RBKS: variants seen among roughly 807,000 people sequenced by gnomAD.
The protein encoded by RBKS is ribokinase.
Under a neutral mutation model 33.9 loss-of-function variants are expected in RBKS, and 33 were observed. That is an observed-to-expected ratio of 0.97 (90% confidence interval 0.74 to 1.30). The LOEUF is 1.30. RBKS is among the 50% of genes most tolerant of loss of function. The pLI is 0.00. For synonymous variants in RBKS, 125 were observed against 143.0 expected (o/e 0.87, Z 0.90); for missense variants, 361 against 392.6 (o/e 0.92, Z 0.68).
chr2:27,828,441 C>G (rs1387493139), intron 6 of RBKS, among the ~76,000 whole-genome samples: 2 of 152,180 alleles, frequency 1.3e-5, no homozygotes, highest in African/African-American at 2.4e-5. Context: ...GCCATAATGC[C>G]TCTTCTCAAA....
At chr2:27,798,572 C>G (rs564653276) in intron 7 of RBKS, among the ~76,000 whole-genome samples, 26 of 152,292 alleles carry the variant, frequency 1.7e-4, no homozygotes, top group African/African-American at 5.8e-4. Context: ...CATCACCTCA[C>G]AGGGTCACAT....
rs979364790 is a variant in RBKS at position 27,861,667 on chromosome 2, G to GGT, written c.90-3097_90-3096insAC. On this transcript the variant is annotated intron_variant, in intron 1 of 7. Coordinates refer to ENST00000302188, the MANE Select transcript of RBKS (RefSeq NM_022128.3). ...TTAGTATGTTCCATTTCTTTTTGGG[G>GGT]GGGGGGTGGAGTCTCACTTTGTCTC... 3.2e-5 allele frequency: 14 copies of GGT among 431,902 alleles called. 1 individual carries two copies. The highest frequency in any genetic ancestry group is 3.0e-4 in the Admixed American group (12 of 39,398). The allele number at this position is 431,902 out of a possible 1,614,324, so 26.8% of individuals were successfully genotyped here.
intron 7 of RBKS, among the ~76,000 whole-genome samples, chr2:27,785,892 T>C (rs1162492140): frequency 6.6e-6 from 1 of 152,242 alleles, no homozygotes; most frequent in East Asian, 1.9e-4. Flanking sequence ...AGATGCTTAT[T>C]GCTGCATTAT....
At chr2:27,831,886 A>T (rs982488003) in intron 6 of RBKS, among the ~76,000 whole-genome samples, 15 of 131,780 alleles carry the variant, frequency 1.1e-4, no homozygotes, top group African/African-American at 2.3e-4. Flanking sequence ...CTGCATTCCA[A>T]CCTGGGTGAA....
chr2:27,815,489 G>A (rs1033766656), intron 7 of RBKS, among the ~76,000 whole-genome samples: 22 of 152,104 alleles, frequency 1.4e-4, no homozygotes, highest in African/African-American at 4.1e-4. Flanking sequence ...GCACCATTGC[G>A]CCTAGCTCTA....
intron 5 of RBKS, among the ~76,000 whole-genome samples, chr2:27,834,956 T>C (rs4666022): frequency 0.34 from 52,098 of 151,938 alleles, 10,777 homozygotes; most frequent in East Asian, 0.63. Context: ...AAAAAGAAAC[T>C]TTTACTAAAG....
intron 7 of RBKS, among the ~76,000 whole-genome samples, chr2:27,786,585 AG>A (rs1677406429): frequency 6.6e-6 from 1 of 152,204 alleles, no homozygotes; most frequent in Non-Finnish European, 1.5e-5. Context: ...GTTCAAGACC[AG>A]CCTGGCCAAG....
intron 1 of RBKS, among the ~76,000 whole-genome samples, chr2:27,862,684 C>G (rs1340231532): frequency 6.6e-6 from 1 of 152,120 alleles, no homozygotes; most frequent in Non-Finnish European, 1.5e-5. Context: ...GCTCTTGACT[C>G]GGGGGTTATA....
At chr2:27,831,130 CCT>C (rs763332043) in intron 6 of RBKS, among the ~76,000 whole-genome samples, 36 of 152,210 alleles carry the variant, frequency 2.4e-4, no homozygotes, top group Non-Finnish European at 4.1e-4. Flanking sequence ...CATGCTATCC[CCT>C]GTGTGAATTC....
chr2:27,860,827 T>C (rs1663959643), intron 1 of RBKS, among the ~76,000 whole-genome samples: 1 of 152,228 alleles, frequency 6.6e-6, no homozygotes, highest in Non-Finnish European at 1.5e-5. Context: ...CTGTAGACTT[T>C]CCCTGCATGA....
chr2:27,816,054 G>A (rs893920349), intron 7 of RBKS, among the ~76,000 whole-genome samples: 2 of 152,124 alleles, frequency 1.3e-5, no homozygotes, highest in Admixed American at 6.5e-5. Context: ...ACATGTACAC[G>A]CATGTCCAGG....
rs1558538549 is a variant in RBKS at position 27,810,032 on chromosome 2, GA to G, written c.795+17534del. 1 of 1,304,236 alleles carries G rather than the reference GA, an allele frequency of 7.7e-7. No homozygotes were observed. The allele number at this position is 1,304,236 out of a possible 1,614,324, so 80.8% of individuals were successfully genotyped here. A position where few individuals can be genotyped will look rare whatever the true frequency, so the allele number is the denominator to read the frequency against. On this transcript the variant is annotated intron_variant, in intron 7 of 7. Transcript: ENST00000302188. The surrounding 1 kb of genome is among the most constrained non-coding windows in gnomAD (Gnocchi z 4.4). ...ACTTGCTGCTTCACTCTTGGGTCTTGAGCCAGGTCTACACTGTGAAAATGAA... is the reference window on the plus strand; with the variant it reads ...ACTTGCTGCTTCACTCTTGGGTCTTGGCCAGGTCTACACTGTGAAAATGAA...
At chr2:27,831,721 A>C (rs1039503962) in intron 6 of RBKS, among the ~76,000 whole-genome samples, 1 of 152,144 alleles carries the variant, frequency 6.6e-6, no homozygotes, top group Non-Finnish European at 1.5e-5. Flanking sequence ...TTAGCCCAGG[A>C]GTTCGAGATT....
chr2:27,861,663 T>TGC (rs1553380056), intron 1 of RBKS: 4 of 313,212 alleles, frequency 1.3e-5, no homozygotes, highest in Admixed American at 7.5e-5. Context: ...CATTTCTTTT[T>TGC]GGGGGGGGGG....
At chr2:27,786,910 T>C (rs1677416398) in intron 7 of RBKS, among the ~76,000 whole-genome samples, 1 of 152,244 alleles carries the variant, frequency 6.6e-6, no homozygotes, top group African/African-American at 2.4e-5. Flanking sequence ...GAACTGTGTG[T>C]GCTGGAAGCA....
At chr2:27,802,557 A>G (rs1273984626) in intron 7 of RBKS, among the ~76,000 whole-genome samples, 2 of 152,102 alleles carry the variant, frequency 1.3e-5, no homozygotes. Context: ...GATGAAAAAC[A>G]AAGTTTGAGA....
chr2:27,858,742 T>C (rs750704633), intron 1 of RBKS, among the ~76,000 whole-genome samples, 171 bp from the exon 2 acceptor site: 4 of 152,184 alleles, frequency 2.6e-5, no homozygotes, highest in South Asian at 2.1e-4. Flanking sequence ...ATTTAGTAGT[T>C]TGCATCATTA....
chr2:27,836,574 G>A (rs1406945414), intron 5 of RBKS, among the ~76,000 whole-genome samples: 1 of 152,024 alleles, frequency 6.6e-6, no homozygotes, highest in Non-Finnish European at 1.5e-5. Context: ...TACCCTTTTT[G>A]ACACTGGCAT....
In RBKS at chr2:27,840,592, C is replaced by G. The variant is rs73923926; in HGVS notation, c.514+2475G>C. Among the ~76,000 whole-genome samples the G allele has an allele frequency of 9.0e-3, 1,374 of 152,156 alleles. 24 individuals are homozygous for G. Among genetic ancestry groups the G allele is most frequent in the African/African-American group, 0.031 (1,280 of 41,524 alleles). On this transcript the variant is annotated intron_variant, in intron 5 of 7. Transcript: ENST00000302188. ...TGCTGAAAACACTGTAGAGCCTCTT[C>G]TCTGTTTCTTGAGCAGCAAAAACAC...
Sources: allele counts gnomAD v4.1 joint callset (sites outside exome capture counted in the v4.1 genomes callset), GRCh38; gene constraint gnomAD v4.1.1; non-coding constraint Gnocchi (gnomAD v3.1); transcripts MANE v1.5; gene names NCBI Gene and HGNC (gene_info 2026-07-23, HGNC 2026-07-21).